The following NKAIN2 variants were observed in gnomAD, a reference collection of about 807,000 sequenced individuals.
The protein encoded by NKAIN2 is sodium/potassium-transporting ATPase subunit beta-1-interacting protein 2.
In NKAIN2, 14 loss-of-function variants were observed where a neutral mutation model predicts 32.6. That is an observed-to-expected ratio of 0.43 (90% confidence interval 0.28 to 0.67). NKAIN2 has a LOEUF of 0.67. Among genes scored for constraint, NKAIN2 ranks in the 30% least tolerant of loss-of-function variants. The pLI is 0.17. For synonymous variants in NKAIN2, 80 were observed against 87.2 expected, an observed-to-expected ratio of 0.92 and a Z score of 0.46; for missense variants, 198 against 258.3, an observed-to-expected ratio of 0.77 and a Z score of 1.60.
chr6:124,365,029 A>G (rs1799463842), intron 3 of NKAIN2, among the ~76,000 whole-genome samples: 1 of 151,942 alleles, frequency 6.6e-6, no homozygotes, highest in Admixed American at 6.6e-5. Flanking sequence ...AGTAACTACT[A>G]AAAGATGGCA....
chr6:124,724,680 A>G (rs549703201), intron 4 of NKAIN2, among the ~76,000 whole-genome samples: 2 of 152,368 alleles, frequency 1.3e-5, no homozygotes, highest in Admixed American at 6.5e-5. Context: ...TTTATTAATA[A>G]TATAAGAATT....
At chr6:124,326,314 A>T (rs530682855) in intron 2 of NKAIN2, among the ~76,000 whole-genome samples, 21 of 151,432 alleles carry the variant, frequency 1.4e-4, no homozygotes, top group Admixed American at 5.9e-4. Flanking sequence ...TCTAGTTTTT[A>T]AAAAAATATA....
chr6:123,874,315 A>G (rs759711786), intron 1 of NKAIN2, among the ~76,000 whole-genome samples: 2 of 152,170 alleles, frequency 1.3e-5, no homozygotes, highest in African/African-American at 2.4e-5. Context: ...AGATTCATTA[A>G]TTATTTCTGA....
intron 1 of NKAIN2, among the ~76,000 whole-genome samples, chr6:124,189,674 C>G (rs865812568): frequency 3.3e-5 from 5 of 152,010 alleles, no homozygotes; most frequent in Non-Finnish European, 7.4e-5. Flanking sequence ...GAGCAAGACT[C>G]CATCTCAAAA....
At chr6:123,855,488 T>A (rs1775523094) in intron 1 of NKAIN2, among the ~76,000 whole-genome samples, 1 of 151,964 alleles carries the variant, frequency 6.6e-6, no homozygotes, top group South Asian at 2.1e-4. Flanking sequence ...CCAGAAGTGA[T>A]GAGTGTAAAG....
intron 1 of NKAIN2, among the ~76,000 whole-genome samples, chr6:124,189,972 A>C (rs1462684839): frequency 1.3e-5 from 2 of 152,236 alleles, no homozygotes; most frequent in Non-Finnish European, 2.9e-5. Context: ...AAAACAATGA[A>C]GGTCAGAGGG....
chr6:124,314,554 C>T (rs949887901), intron 2 of NKAIN2, among the ~76,000 whole-genome samples: 4 of 152,098 alleles, frequency 2.6e-5, no homozygotes, highest in Non-Finnish European at 5.9e-5. Flanking sequence ...GCCTGGGCTC[C>T]TCCTACAAAG....
chr6:124,674,559 G>T (rs1354521081), intron 4 of NKAIN2, among the ~76,000 whole-genome samples: 1 of 151,628 alleles, frequency 6.6e-6, no homozygotes, highest in Non-Finnish European at 1.5e-5. Flanking sequence ...AGTTTTCAGG[G>T]TACAAGCCTT....
chr6:124,210,531 A>G (rs961043544), intron 1 of NKAIN2, among the ~76,000 whole-genome samples: 1 of 151,740 alleles, frequency 6.6e-6, no homozygotes, highest in Non-Finnish European at 1.5e-5. Flanking sequence ...ATGGACATTT[A>G]AAAAATATTG....
chr6:124,483,533 C>G (rs775575391), intron 3 of NKAIN2, among the ~76,000 whole-genome samples: 20 of 151,720 alleles, frequency 1.3e-4, no homozygotes, highest in Non-Finnish European at 2.9e-4. Flanking sequence ...TAGTTTAAAC[C>G]TAGAAAAAAG....
chr6:123,935,120 T>C (rs1776438493), intron 1 of NKAIN2, among the ~76,000 whole-genome samples: 2 of 147,388 alleles, frequency 1.4e-5, no homozygotes, highest in Admixed American at 6.8e-5. Context: ...TTGAAATAAA[T>C]ATGTTAAATA....
At chr6:124,802,054 T>A (rs1780285850) in intron 5 of NKAIN2, among the ~76,000 whole-genome samples, 2 of 152,208 alleles carry the variant, frequency 1.3e-5, no homozygotes, top group Non-Finnish European at 2.9e-5. Context: ...ACTGTTGTTC[T>A]AAGAAGATGA....
chr6:124,227,141 A>G lies in NKAIN2; in HGVS notation c.55-55864A>G, dbSNP rs114591749. On this transcript the variant is annotated intron_variant, in intron 1 of 6. Transcript: ENST00000368417. ...CTCTGAATCTAGTGGCCTGAACTCA[A>G]ACCTCCTTATTGAGTGCATTTATGC... 7.0e-4 allele frequency among the ~76,000 whole-genome samples: 106 copies of G among 151,944 alleles called. 1 individual carries two copies. Among genetic ancestry groups the G allele is most frequent in the African/African-American group, 2.5e-3 (103 of 41,466 alleles).
At chr6:124,197,903 A>G (rs1790399829) in intron 1 of NKAIN2, among the ~76,000 whole-genome samples, 1 of 146,610 alleles carries the variant, frequency 6.8e-6, no homozygotes, top group Non-Finnish European at 1.5e-5. Flanking sequence ...TTTTATTACC[A>G]ACAGCATTCC....
intron 1 of NKAIN2, among the ~76,000 whole-genome samples, chr6:123,870,272 G>A (rs958363818): frequency 2.6e-5 from 4 of 152,200 alleles, no homozygotes; most frequent in Admixed American, 2.6e-4. Flanking sequence ...AGGGAAAGCT[G>A]GTGTGTGTTG....
intron 3 of NKAIN2, among the ~76,000 whole-genome samples, chr6:124,567,225 C>T (rs1051367191): frequency 6.6e-6 from 1 of 152,122 alleles, no homozygotes; most frequent in African/African-American, 2.4e-5. Flanking sequence ...TTCTACCTAC[C>T]CAGACTGCTT....
At chr6:124,203,285 A>G (rs1790681152) in intron 1 of NKAIN2, among the ~76,000 whole-genome samples, 1 of 151,954 alleles carries the variant, frequency 6.6e-6, no homozygotes, top group Admixed American at 6.6e-5. Flanking sequence ...CTGATTTTAG[A>G]GTAGAGAATA....
intron 4 of NKAIN2, among the ~76,000 whole-genome samples, chr6:124,674,916 C>T (rs115248779): frequency 1.2e-3 from 175 of 152,154 alleles, no homozygotes; most frequent in African/African-American, 4.1e-3. Flanking sequence ...CAAGAGTGGG[C>T]ATCCTTGCCT....
At chr6:124,105,517 C>T (rs1009181638) in intron 1 of NKAIN2, among the ~76,000 whole-genome samples, 1 of 152,052 alleles carries the variant, frequency 6.6e-6, no homozygotes, top group African/African-American at 2.4e-5. Context: ...TACAGTGTGA[C>T]CAAATAAATT....
Sources: gnomAD v4.1 joint callset for allele counts (sites outside exome capture counted in the v4.1 genomes callset) on GRCh38, gnomAD v4.1.1 for gene constraint, MANE v1.5 for transcripts, NCBI Gene and HGNC (gene_info 2026-07-23, HGNC 2026-07-21) for gene names.